The following DACH1 variants were observed in gnomAD, a reference collection of about 807,000 sequenced individuals.
DACH1 encodes the protein dachshund homolog 1.
In DACH1, 12 loss-of-function variants were observed where a neutral mutation model predicts 54.2. The ratio of observed to expected loss-of-function variants is 0.22; its 90% CI spans 0.14 to 0.36. The LOEUF (loss-of-function observed/expected upper bound fraction) is 0.36, where lower values mean the gene tolerates loss of function less well. DACH1 is among the 10% of genes least tolerant of loss of function. DACH1 has a pLI of 1.00. For synonymous variants in DACH1, 386 were observed against 366.2 expected (o/e 1.05, Z -0.62); for missense variants, 805 against 929.8 (o/e 0.87, Z 1.75).
intron 1 of DACH1, among the ~76,000 whole-genome samples, chr13:71,816,691 CAT>C (rs548046223): frequency 2.8e-5 from 4 of 143,088 alleles, no homozygotes; most frequent in Admixed American, 7.0e-5. Context: ...TATATATACA[CAT>C]ATATATATAT....
chr13:71,662,892 T>G (rs1252330421), intron 2 of DACH1, among the ~76,000 whole-genome samples: 1 of 151,968 alleles, frequency 6.6e-6, no homozygotes, highest in Non-Finnish European at 1.5e-5. Context: ...GTAACTCTCT[T>G]GGTATTGCTA....
At chr13:71,635,039 G>A (rs764498421) in intron 2 of DACH1, among the ~76,000 whole-genome samples, 13 of 152,084 alleles carry the variant, frequency 8.5e-5, no homozygotes, top group African/African-American at 3.1e-4. Context: ...TACTTTCTTC[G>A]TATATATATC....
chr13:71,851,909 A>G (rs1421708423), intron 1 of DACH1, among the ~76,000 whole-genome samples: 3 of 152,158 alleles, frequency 2.0e-5, no homozygotes, highest in Non-Finnish European at 4.4e-5. Context: ...TCAAAAGTTG[A>G]TATGTGGTTT....
In DACH1 at chr13:71,728,313, T is replaced by C. The variant is rs139332832; in HGVS notation, c.849-46403A>G. On this transcript the variant is annotated intron_variant, in intron 1 of 10. Coordinates refer to ENST00000613252, the MANE Select transcript of DACH1 (RefSeq NM_080759.6). Reference sequence around the variant, plus strand: ...GATCATATCTCTTTGGAAACACCCATTTAGAACCCAAAATTAGAATTTCCC... The same window carrying C: ...GATCATATCTCTTTGGAAACACCCACTTAGAACCCAAAATTAGAATTTCCC... Among the ~76,000 whole-genome samples the C allele has an allele frequency of 2.9e-3, 434 of 152,078 alleles. 14 individuals carry two copies. Among genetic ancestry groups the C allele is most frequent in the Admixed American group, 0.024 (361 of 15,266 alleles).
chr13:71,777,255 A>G (rs1430811397), intron 1 of DACH1, among the ~76,000 whole-genome samples: 2 of 150,804 alleles, frequency 1.3e-5, no homozygotes, highest in Admixed American at 6.6e-5. Flanking sequence ...TCCGTACGGT[A>G]TAGCCTTAAA....
chr13:71,866,690 G>C lies in DACH1; in HGVS notation c.80C>G (p.Ser27Cys). 2 of 1,461,294 alleles carry C rather than the reference G, an allele frequency of 1.4e-6. No individual in the cohort carries two copies. The highest frequency in any genetic ancestry group is 1.8e-6 in the Non-Finnish European group (2 of 1,100,840). 90.5% of individuals were successfully genotyped at this position (1,461,294 alleles called of 1,614,324 possible). ...CGAAGAGGTGGAGGTGGTGGTGCCA[G>C]AGGAGGAAGCAGACGTGGAGATTGG... ...QPPISTSASS[S>C]GTTTSTSSAT... Residue 27 changes from serine (S) to cysteine (C), a missense_variant, in exon 1 of 11, where the codon TCT becomes TGT. Coordinates refer to ENST00000613252, the MANE Select transcript of DACH1 (RefSeq NM_080759.6).
chr13:71,563,099 C>G (rs1342537057), intron 4 of DACH1, among the ~76,000 whole-genome samples: 2 of 151,948 alleles, frequency 1.3e-5, no homozygotes, highest in Non-Finnish European at 2.9e-5. Context: ...GAGCTAATTC[C>G]TAATACATCT....
intron 1 of DACH1, among the ~76,000 whole-genome samples, chr13:71,860,391 T>A (rs1874272913): frequency 6.6e-6 from 1 of 151,064 alleles, no homozygotes; most frequent in Admixed American, 6.6e-5. Context: ...CATTTTTAAA[T>A]ACCCAAGCCA....
chr13:71,639,344 TTTCTC>T (rs1359494974), intron 2 of DACH1, among the ~76,000 whole-genome samples: 1 of 152,136 alleles, frequency 6.6e-6, no homozygotes, highest in Non-Finnish European at 1.5e-5. Context: ...AGTGTGAACT[TTTCTC>T]TTAATGTCCA....
chr13:71,518,391 A>G (rs1006248168), intron 6 of DACH1, among the ~76,000 whole-genome samples: 8 of 138,972 alleles, frequency 5.8e-5, no homozygotes, highest in South Asian at 2.2e-4. Context: ...AGAACTGTGG[A>G]AAAAAAAAAA....
intron 6 of DACH1, among the ~76,000 whole-genome samples, chr13:71,502,885 C>T (rs1205634103): frequency 6.6e-6 from 1 of 152,188 alleles, no homozygotes; most frequent in Non-Finnish European, 1.5e-5. Flanking sequence ...CTACTTTGCT[C>T]TGATAAGCTG....
chr13:71,565,537 T>A (rs952514600), intron 4 of DACH1, among the ~76,000 whole-genome samples: 1 of 152,122 alleles, frequency 6.6e-6, no homozygotes, highest in Non-Finnish European at 1.5e-5. Context: ...AGAATTGGAA[T>A]CCTGTATTCA....
At chr13:71,478,003 G>A (rs747030689) in intron 8 of DACH1, among the ~76,000 whole-genome samples, 2 of 152,184 alleles carry the variant, frequency 1.3e-5, no homozygotes, top group Non-Finnish European at 2.9e-5. Context: ...ATAAAATTCT[G>A]AAGGTCTCTC....
At chr13:71,816,638 ATATGTGTGTATATATATACACGTG>A (rs201946304) in intron 1 of DACH1, among the ~76,000 whole-genome samples, 83 of 26,450 alleles carry the variant, frequency 3.1e-3, no homozygotes, top group East Asian at 0.016. Flanking sequence ...ATACACACAC[ATATGTGTGTATATATATACACGTG>A]TATATATATA....
intron 1 of DACH1, among the ~76,000 whole-genome samples, chr13:71,730,944 A>G (rs1883712961): frequency 6.6e-6 from 1 of 152,102 alleles, no homozygotes; most frequent in Non-Finnish European, 1.5e-5. Flanking sequence ...CATTCAAAGC[A>G]TATCAGGAAC....
chr13:71,526,633 T>C (rs1683975312), intron 6 of DACH1, among the ~76,000 whole-genome samples: 1 of 151,890 alleles, frequency 6.6e-6, no homozygotes, highest in South Asian at 2.1e-4. Flanking sequence ...GGTTTGATTA[T>C]GACTTAGTTT....
At chr13:71,523,510 G>T (rs189708079) in intron 6 of DACH1, among the ~76,000 whole-genome samples, 1 of 152,088 alleles carries the variant, frequency 6.6e-6, no homozygotes, top group Non-Finnish European at 1.5e-5. Context: ...TGTAGCCAAA[G>T]TGTTTATGTC....
At chr13:71,474,639 T>C (rs532149006) in intron 10 of DACH1, among the ~76,000 whole-genome samples, 3 of 152,328 alleles carry the variant, frequency 2.0e-5, no homozygotes, top group South Asian at 4.1e-4. Context: ...GTGTATATAA[T>C]GGCATACAGA....
intron 9 of DACH1, 51 bp from the exon 10 acceptor site, chr13:71,475,260 GTCCTTT>G: frequency 6.9e-7 from 1 of 1,449,026 alleles, no homozygotes; most frequent in Admixed American, 1.8e-5. Flanking sequence ...GATTCCTATT[GTCCTTT>G]AAAAAAAAAG....
Sources: allele counts gnomAD v4.1 joint callset (sites outside exome capture counted in the v4.1 genomes callset), GRCh38; gene constraint gnomAD v4.1.1; transcripts MANE v1.5; gene names NCBI Gene and HGNC (gene_info 2026-07-23, HGNC 2026-07-21).